The following XPNPEP3 variants were observed in gnomAD, a reference collection of about 807,000 sequenced individuals.
The protein encoded by XPNPEP3 is X-prolyl aminopeptidase 3, also known as xaa-Pro aminopeptidase 3.
In XPNPEP3, 41 loss-of-function variants were observed where a neutral mutation model predicts 60.0. The observed-to-expected ratio is 0.68, with a 90% CI of 0.53 to 0.89. The LOEUF (loss-of-function observed/expected upper bound fraction) is 0.89, where lower values mean the gene tolerates loss of function less well. Ranked by LOEUF, XPNPEP3 falls within the 40% of genes least tolerant of loss-of-function variation. The pLI, the probability that XPNPEP3 is intolerant of heterozygous loss-of-function variation, is 0.00. For missense variants in XPNPEP3, 598 were observed against 638.9 expected, an observed-to-expected ratio of 0.94 and a Z score of 0.69; for synonymous variants, 212 against 223.2, an observed-to-expected ratio of 0.95 and a Z score of 0.45.
chr22:40,858,522 CTTT>C (rs34319696), intron 1 of XPNPEP3, among the ~76,000 whole-genome samples: 10 of 85,502 alleles, frequency 1.2e-4, no homozygotes, highest in East Asian at 4.4e-4. Flanking sequence ...GCTGGAGAAG[CTTT>C]TTTTTTTTTT....
At chr22:40,860,901 C>T (rs2057940054) in intron 1 of XPNPEP3, 2 of 703,718 alleles carry the variant, frequency 2.8e-6, no homozygotes, top group Non-Finnish European at 4.6e-6. Context: ...ACAAACTCAT[C>T]CTTTTCTGAC....
At chr22:40,862,910 A>G (rs1218235536) in intron 1 of XPNPEP3, 1 of 238,240 alleles carries the variant, frequency 4.2e-6, no homozygotes, top group Non-Finnish European at 6.8e-6. Flanking sequence ...CAAATAAAAT[A>G]ATTTAAGATA....
chr22:40,882,512 C>T (rs1389702275), intron 3 of XPNPEP3, among the ~76,000 whole-genome samples: 3 of 152,098 alleles, frequency 2.0e-5, no homozygotes, highest in Non-Finnish European at 4.4e-5. Context: ...TCGCAGGCGC[C>T]TGTAATCCCA....
intron 8 of XPNPEP3, among the ~76,000 whole-genome samples, 168 bp from the exon 9 acceptor site, chr22:40,924,194 A>T (rs895054876): frequency 6.6e-6 from 1 of 152,186 alleles, no homozygotes; most frequent in Non-Finnish European, 1.5e-5. Context: ...TGCATGTAAG[A>T]GGTCGCAGTT....
At chr22:40,917,736 A>T (rs992240054) in intron 7 of XPNPEP3, 13 of 152,310 alleles carry the variant, frequency 8.5e-5, no homozygotes, top group Admixed American at 7.2e-4. Flanking sequence ...ACAAAAAAAC[A>T]TTAAAAGTGC....
At chr22:40,874,755 C>T (rs892279273) in intron 2 of XPNPEP3, among the ~76,000 whole-genome samples, 4 of 152,114 alleles carry the variant, frequency 2.6e-5, no homozygotes, top group Non-Finnish European at 5.9e-5. Context: ...GCTCCCCGGG[C>T]GTTTCTCACA....
rs1044731648 is a variant in XPNPEP3, at chr22:40,907,705, A to G, written c.855+56A>G. 3.2e-6 allele frequency: 5 copies of G among 1,545,040 alleles called. No individual in the cohort carries two copies. In the African/African-American group the frequency reaches 5.4e-5, roughly 17 times the overall value. On this transcript the variant is annotated intron_variant, in intron 5 of 9. Transcript: ENST00000357137. ...TGTTGGAGGTGAATATAATAATTTG[A>G]TTTGCAGAAATGGCAGTGCAGTCTG...
rs2058049324 is a variant in XPNPEP3 at position 40,881,837 on chromosome 22, C to A, written c.249C>A (p.Ile83=). Residue 83 remains isoleucine (I), a synonymous_variant, in exon 3 of 10, where the codon ATC becomes ATA. Coordinates refer to ENST00000357137, the MANE Select transcript of XPNPEP3 (RefSeq NM_022098.4). The part of the protein sequence containing the change: ...ALRRHKLMSL[I]QKEAQGQSGT... ...GCAGACACAAACTAATGTCTCTGATCCAGAAGGAAGCTCAAGGGCAGAGTG... is the reference window on the plus strand; with the variant it reads ...GCAGACACAAACTAATGTCTCTGATACAGAAGGAAGCTCAAGGGCAGAGTG... The A allele has an allele frequency of 6.2e-7, 1 of 1,614,158 alleles. No homozygotes were observed. The highest frequency in any genetic ancestry group is 8.5e-7 in the Non-Finnish European group (1 of 1,180,036).
intron 1 of XPNPEP3, chr22:40,862,448 T>C (rs1363644321): frequency 1.0e-6 from 1 of 986,876 alleles, no homozygotes; most frequent in Non-Finnish European, 1.2e-6. Flanking sequence ...TTTAGAAAAA[T>C]GAAGTACTGA....
At chr22:40,924,756 C>T (rs1220076150) in intron 9 of XPNPEP3, among the ~76,000 whole-genome samples, 3 of 152,184 alleles carry the variant, frequency 2.0e-5, no homozygotes, top group Non-Finnish European at 1.5e-5. Flanking sequence ...CTCCTGACCT[C>T]AGGTGATCCA....
intron 4 of XPNPEP3, among the ~76,000 whole-genome samples, chr22:40,895,101 A>C (rs538377164): frequency 9.2e-5 from 14 of 152,290 alleles, no homozygotes; most frequent in Middle Eastern, 3.4e-3. Context: ...CCTCAGTTCT[A>C]GAACAGTCAT....
At chr22:40,895,463 T>C (rs1023526210) in intron 4 of XPNPEP3, among the ~76,000 whole-genome samples, 3 of 151,700 alleles carry the variant, frequency 2.0e-5, no homozygotes, top group Non-Finnish European at 4.4e-5. Flanking sequence ...GCCTCCCAAG[T>C]AGCTGGGATT....
chr22:40,909,376 T>C, intron 6 of XPNPEP3, 141 bp downstream of exon 6: 1 of 729,200 alleles, frequency 1.4e-6, no homozygotes, highest in Non-Finnish European at 2.4e-6. Flanking sequence ...AAAATGGTTT[T>C]ACAGACATTA....
rs1028414537 is a variant in XPNPEP3 at position 40,922,476 on chromosome 22, G to C, written c.1199G>C (p.Gly400Ala). ...ATAGGACAGAAGCTTAAAGACTTGG[G>C]GATCATGAAGAACATTAAGGAAAAT... ...TLIGQKLKDL[G>A]IMKNIKENNA... is the part of the protein sequence containing the mutation. The change falls in exon 8 of 10, where the codon GGG becomes GCG. Residue 400 changes from glycine (G) to alanine (A), a missense_variant. By Grantham distance (60) the Gly-to-Ala change is moderately conservative. Coordinates refer to ENST00000357137, the MANE Select transcript of XPNPEP3 (RefSeq NM_022098.4). 6.2e-7 allele frequency: 1 copy of C among 1,613,932 alleles called. No individual in the cohort carries two copies. The highest frequency in any genetic ancestry group is 1.3e-5 in the African/African-American group (1 of 74,934).
chr22:40,897,693 T>G (rs2058114390), intron 4 of XPNPEP3, among the ~76,000 whole-genome samples: 1 of 152,134 alleles, frequency 6.6e-6, no homozygotes, highest in Non-Finnish European at 1.5e-5. Context: ...CATTTCACAT[T>G]TCTACCAGCA....
intron 1 of XPNPEP3, chr22:40,861,300 C>G (rs753155402): frequency 1.2e-6 from 2 of 1,613,990 alleles, no homozygotes; most frequent in African/African-American, 2.7e-5. Flanking sequence ...TTTTGCAAAG[C>G]CCTCTTCATT....
At position 40,907,619 on chromosome 22, in the gene XPNPEP3, C is replaced by T. The variant is rs573534001; in HGVS notation, c.825C>T (p.Ala275=). The T allele has an allele frequency of 6.2e-7, 1 of 1,614,006 alleles. No individual in the cohort carries two copies. The highest frequency in any genetic ancestry group is 1.1e-5 in the South Asian group (1 of 91,078). Residue 275 remains alanine, a synonymous_variant, in exon 5 of 10, where the codon GCC becomes GCT. Transcript: ENST00000357137. ...AFIETMFTSK[A]PVEEAFLYAK... ...TAGAAACCATGTTCACCAGTAAAGC[C>T]CCTGTGGAAGAAGCCTTTCTTTATG...
At chr22:40,903,908 AC>A (rs1322193637) in intron 4 of XPNPEP3, among the ~76,000 whole-genome samples, 5 of 150,418 alleles carry the variant, frequency 3.3e-5, no homozygotes, top group African/African-American at 1.2e-4. Flanking sequence ...ACACACACAC[AC>A]ACAAGTTTCA....
chr22:40,886,260 T>G, intron 3 of XPNPEP3, 53 bp from the exon 4 acceptor site: 2 of 1,575,602 alleles, frequency 1.3e-6, no homozygotes, highest in Non-Finnish European at 1.7e-6. Context: ...AGTTGATATT[T>G]CTTGTTGCTG....
Sources: allele counts gnomAD v4.1 joint callset (sites outside exome capture counted in the v4.1 genomes callset), GRCh38; gene constraint gnomAD v4.1.1; transcripts MANE v1.5; gene names NCBI Gene and HGNC (gene_info 2026-07-23, HGNC 2026-07-21).